TRAK1: variants seen among roughly 807,000 people sequenced by gnomAD.
The protein encoded by TRAK1 is trafficking kinesin-binding protein 1.
A neutral mutation model predicts 92.1 loss-of-function variants in TRAK1; 33 were observed. The ratio of observed to expected loss-of-function variants is 0.36; its 90% confidence interval spans 0.27 to 0.48. TRAK1 has a LOEUF of 0.48. TRAK1 is among the 20% of genes least tolerant of loss of function. TRAK1 has a pLI of 0.99. For missense variants in TRAK1, 1,123 were observed against 1,257.9 expected (o/e 0.89, Z 1.62); for synonymous variants, 521 against 517.3 (o/e 1.01, Z -0.10).
chr3:42,143,438 C>A (rs1167146202), intron 2 of TRAK1, among the ~76,000 whole-genome samples: 1 of 151,650 alleles, frequency 6.6e-6, no homozygotes, highest in Non-Finnish European at 1.5e-5. Flanking sequence ...TTTTGGTATT[C>A]TCTGTGCAAT....
intron 1 of TRAK1, among the ~76,000 whole-genome samples, chr3:42,031,325 C>T (rs1445241794): frequency 6.6e-6 from 1 of 151,816 alleles, no homozygotes; most frequent in Non-Finnish European, 1.5e-5. Context: ...GCGTGAGCCA[C>T]CGTGCCTGGC....
At chr3:42,110,838 G>A (rs917571343) in intron 1 of TRAK1, among the ~76,000 whole-genome samples, 8 of 152,318 alleles carry the variant, frequency 5.3e-5, no homozygotes, top group Middle Eastern at 3.4e-3. Flanking sequence ...TTTTCCCAGC[G>A]CAGGGCACTG....
At chr3:42,025,304 C>T (rs1340235560) in intron 1 of TRAK1, among the ~76,000 whole-genome samples, 1 of 151,960 alleles carries the variant, frequency 6.6e-6, no homozygotes, top group Non-Finnish European at 1.5e-5. Context: ...GCTGGCCTTT[C>T]GTTGTGGTGT....
At chr3:42,196,876 C>T (rs955544940) in intron 10 of TRAK1, among the ~76,000 whole-genome samples, 5 of 151,716 alleles carry the variant, frequency 3.3e-5, no homozygotes, top group African/African-American at 1.2e-4. Context: ...GTTACAGCTG[C>T]CTCACAACAC....
chr3:42,115,015 C>T (rs1708989205), intron 1 of TRAK1, among the ~76,000 whole-genome samples: 1 of 152,114 alleles, frequency 6.6e-6, no homozygotes, highest in Non-Finnish European at 1.5e-5. Flanking sequence ...GCCCAGCCAA[C>T]ATATGCTTTT....
chr3:42,168,926 C>G (rs1225873860), intron 2 of TRAK1, among the ~76,000 whole-genome samples: 1 of 152,142 alleles, frequency 6.6e-6, no homozygotes. Flanking sequence ...CAGGTTCAAG[C>G]GATTCTCCTG....
chr3:42,203,293 T>G (rs1707907128), intron 13 of TRAK1: 5 of 996,392 alleles, frequency 5.0e-6, no homozygotes, highest in Non-Finnish European at 4.8e-6. Flanking sequence ...TTTTGGCAGA[T>G]GCAGTATGTT....
At chr3:42,194,735 G>A (rs1032437486) in intron 9 of TRAK1, 69 bp from the exon 10 acceptor site, 11 of 1,561,378 alleles carry the variant, frequency 7.0e-6, no homozygotes, top group Middle Eastern at 2.0e-4. Context: ...TCTGGCCTTC[G>A]GATGGGCAGA....
At chr3:42,059,413 AGAAAGATAAT>A (rs1366524045) in intron 1 of TRAK1, among the ~76,000 whole-genome samples, 1 of 152,194 alleles carries the variant, frequency 6.6e-6, no homozygotes, top group Non-Finnish European at 1.5e-5. Context: ...ACCATATTTT[AGAAAGATAAT>A]GACTTGTCTT....
Position 42,223,396 on chromosome 3 carries a change from C to T in TRAK1, c.2521C>T (p.Leu841Phe). The stretch of plus-strand genomic sequence containing the variant: ...CCAGACCGACGTGTCCGTCTCCAAC[C>T]TCAACCTCGTGGACAAAGTCAGGAG... ...ESQTDVSVSN[L>F]NLVDKVRRFG... Residue 841 changes from leucine to phenylalanine, a missense_variant, in exon 16 of 16, where the codon CTC becomes TTC. By Grantham distance (22) the Leu-to-Phe change is conservative (BLOSUM62 0). This residue lies in a region of TRAK1 where 401 missense variants were observed against 438.9 expected (regional missense o/e 0.91). Transcript: ENST00000327628. This position sits in a 1 kb window ranked among gnomAD's most constrained non-coding sequence, Gnocchi z 6.1. The T allele has an allele frequency of 2.5e-6, 4 of 1,614,218 alleles. No homozygotes were observed. The highest frequency in any genetic ancestry group is 3.4e-6 in the Non-Finnish European group (4 of 1,180,050).
chr3:42,069,748 A>G (rs1163075249), intron 1 of TRAK1, among the ~76,000 whole-genome samples: 1 of 152,178 alleles, frequency 6.6e-6, no homozygotes, highest in Non-Finnish European at 1.5e-5. Flanking sequence ...AATCAGTATT[A>G]TTAGACATTT....
intron 12 of TRAK1, among the ~76,000 whole-genome samples, chr3:42,201,930 A>C (rs942949151): frequency 2.1e-5 from 3 of 142,610 alleles, no homozygotes; most frequent in South Asian, 2.3e-4. Flanking sequence ...ACACACACAC[A>C]CCATTGTCTA....
intron 14 of TRAK1, among the ~76,000 whole-genome samples, chr3:42,217,083 T>A (rs73831721): frequency 0.013 from 1,887 of 150,952 alleles, 47 homozygotes; most frequent in African/African-American, 0.044. Flanking sequence ...TGTTTTATGT[T>A]TCTCTCTCTC....
At chr3:42,206,268 C>T (rs146391041) in intron 13 of TRAK1, among the ~76,000 whole-genome samples, 10 of 152,240 alleles carry the variant, frequency 6.6e-5, no homozygotes, top group Non-Finnish European at 1.0e-4. Context: ...TGGCAAACCC[C>T]GCTGGGACTT....
chr3:42,134,205 TCCCCC>T (rs1159046985), intron 2 of TRAK1, among the ~76,000 whole-genome samples: 1 of 47,084 alleles, frequency 2.1e-5, no homozygotes, highest in Non-Finnish European at 3.8e-5. Flanking sequence ...CCCTTCCCCT[TCCCCC>T]CTCCCCTCCT....
chr3:42,192,832 G>A (rs758550247), intron 7 of TRAK1, among the ~76,000 whole-genome samples: 20 of 152,220 alleles, frequency 1.3e-4, no homozygotes, highest in Non-Finnish European at 2.8e-4. Context: ...CCTACACTGA[G>A]CTCAGGAGTG....
intron 2 of TRAK1, among the ~76,000 whole-genome samples, chr3:42,132,542 G>A (rs1697353883): frequency 6.6e-6 from 1 of 152,060 alleles, no homozygotes; most frequent in Non-Finnish European, 1.5e-5. Context: ...TAGGATTATA[G>A]GAGTGAGCCA....
intron 13 of TRAK1, among the ~76,000 whole-genome samples, chr3:42,209,281 C>T (rs1032812922): frequency 2.6e-5 from 4 of 152,094 alleles, no homozygotes; most frequent in Admixed American, 6.5e-5. Context: ...TGCTGTTGGT[C>T]GTGGGCTTGG....
chr3:42,210,244 G>A lies in TRAK1; in HGVS notation c.1963+259G>A, dbSNP rs750472688. ...GGTTCTCTGTCTGTAGCTTCCGCTC[G>A]TCTGTGTGGGTGATGATTAAAGCAT... is the stretch of plus-strand genomic sequence containing the variant. On this transcript the variant is annotated intron_variant, in intron 14 of 15. Transcript: ENST00000327628. 7.9e-6 allele frequency: 12 copies of A among 1,526,808 alleles called. No homozygotes were observed. The Admixed American group carries it at 8.8e-5, about 11-fold the overall frequency. 94.6% of individuals were successfully genotyped at this position (1,526,808 alleles called of 1,614,324 possible).
Sources: allele counts gnomAD v4.1 joint callset (sites outside exome capture counted in the v4.1 genomes callset), GRCh38; gene constraint gnomAD v4.1.1; regional missense constraint gnomAD v4.1.1; non-coding constraint Gnocchi (gnomAD v3.1); transcripts MANE v1.5; gene names NCBI Gene and HGNC (gene_info 2026-07-23, HGNC 2026-07-21).